PTPRD: variants seen among roughly 807,000 people sequenced by gnomAD.
PTPRD encodes the protein receptor-type tyrosine-protein phosphatase delta.
Under a neutral mutation model 214.5 loss-of-function variants are expected in PTPRD, and 34 were observed. That is an observed-to-expected ratio of 0.16 (90% confidence interval 0.12 to 0.21). The LOEUF (loss-of-function observed/expected upper bound fraction) is 0.21, where lower values mean the gene tolerates loss of function less well. Among genes scored for constraint, PTPRD ranks in the 10% least tolerant of loss-of-function variants. The pLI is 1.00. For synonymous variants in PTPRD, 1,128 were observed against 845.7 expected, an observed-to-expected ratio of 1.33 and a Z score of -5.79; for missense variants, 2,545 against 2,398.7, an observed-to-expected ratio of 1.06 and a Z score of -1.27.
intron 7 of PTPRD, among the ~76,000 whole-genome samples, chr9:9,682,529 A>T (rs2097094551): frequency 1.3e-5 from 2 of 151,642 alleles, no homozygotes. Context: ...GATAGGGTAG[A>T]TCAATGCAAG....
chr9:9,602,389 T>C (rs7046780), intron 7 of PTPRD, among the ~76,000 whole-genome samples: 1 of 151,676 alleles, frequency 6.6e-6, no homozygotes, highest in Non-Finnish European at 1.5e-5. Context: ...AAAGCAATGG[T>C]CATTTAAAAC....
At chr9:10,402,101 G>T (rs532635969) in intron 2 of PTPRD, among the ~76,000 whole-genome samples, 6 of 151,522 alleles carry the variant, frequency 4.0e-5, no homozygotes, top group African/African-American at 7.2e-5. Context: ...AAGAAAAAGG[G>T]TATAAAATGT....
intron 32 of PTPRD, 38 bp from the exon 33 acceptor site, chr9:8,460,609 T>A (rs897855951): frequency 1.3e-6 from 2 of 1,588,692 alleles, no homozygotes; most frequent in Non-Finnish European, 1.7e-6. Flanking sequence ...TATAAAATAA[T>A]GACTTTCTAG....
chr9:10,595,520 T>C (rs2076421002), intron 2 of PTPRD, among the ~76,000 whole-genome samples: 1 of 151,732 alleles, frequency 6.6e-6, no homozygotes, highest in Admixed American at 6.6e-5. Context: ...TAATCTTCCA[T>C]AGACAAGTGG....
At chr9:8,564,428 G>A (rs974818573) in intron 14 of PTPRD, among the ~76,000 whole-genome samples, 16 of 152,100 alleles carry the variant, frequency 1.1e-4, no homozygotes, top group South Asian at 4.1e-4. Context: ...GCCGGGCACG[G>A]TAGCTCACAC....
At chr9:8,681,206 T>A (rs1278846002) in intron 12 of PTPRD, among the ~76,000 whole-genome samples, 1 of 152,174 alleles carries the variant, frequency 6.6e-6, no homozygotes, top group Non-Finnish European at 1.5e-5. Flanking sequence ...TCAGTGTAGA[T>A]GAACTCTTTT....
At chr9:8,916,927 A>T (rs191308722) in intron 11 of PTPRD, among the ~76,000 whole-genome samples, 1 of 152,180 alleles carries the variant, frequency 6.6e-6, no homozygotes, top group African/African-American at 2.4e-5. Flanking sequence ...TATCCAAAGC[A>T]AACAGTGCAC....
intron 3 of PTPRD, among the ~76,000 whole-genome samples, chr9:10,275,675 T>C (rs2094641619): frequency 6.6e-6 from 1 of 152,170 alleles, no homozygotes; most frequent in South Asian, 2.1e-4. Flanking sequence ...TAGAAATTGC[T>C]AGAAACTAGG....
chr9:9,271,103 G>A (rs1942731660), intron 9 of PTPRD, among the ~76,000 whole-genome samples: 1 of 151,162 alleles, frequency 6.6e-6, no homozygotes, highest in African/African-American at 2.4e-5. Context: ...ATATGCTGCT[G>A]ATATGAAGCC....
chr9:8,748,032 G>A (rs879790029), intron 11 of PTPRD, among the ~76,000 whole-genome samples: 40 of 152,244 alleles, frequency 2.6e-4, no homozygotes, highest in Middle Eastern at 3.4e-3. Flanking sequence ...CCCCTGGACC[G>A]GCCTGCTAGC....
intron 19 of PTPRD, among the ~76,000 whole-genome samples, chr9:8,521,770 C>G (rs566011862): frequency 1.3e-5 from 2 of 152,224 alleles, no homozygotes; most frequent in South Asian, 4.1e-4. Flanking sequence ...CTTAGACACA[C>G]TAATACAAAA....
At chr9:8,570,566 T>A (rs895116212) in intron 14 of PTPRD, among the ~76,000 whole-genome samples, 3 of 150,614 alleles carry the variant, frequency 2.0e-5, no homozygotes, top group Non-Finnish European at 4.4e-5. Flanking sequence ...AACAAATACA[T>A]TTTTTTTTAC....
intron 12 of PTPRD, among the ~76,000 whole-genome samples, chr9:8,672,490 G>C (rs1321046839): frequency 6.6e-6 from 1 of 152,072 alleles, no homozygotes; most frequent in Non-Finnish European, 1.5e-5. Flanking sequence ...GGATGTTACA[G>C]ATATTAATAG....
chr9:10,041,616 T>A (rs291273), intron 3 of PTPRD, among the ~76,000 whole-genome samples: 6,686 of 151,900 alleles, frequency 0.044, 531 homozygotes, highest in African/African-American at 0.15. Flanking sequence ...ATTTAAAAAG[T>A]GTAATATGAG....
intron 10 of PTPRD, among the ~76,000 whole-genome samples, chr9:9,158,422 A>T (rs1164546329): frequency 6.6e-6 from 1 of 152,048 alleles, no homozygotes; most frequent in Non-Finnish European, 1.5e-5. Flanking sequence ...CAACATGCTA[A>T]AACTCCGTCT....
chr9:8,914,280 G>A (rs2098769257), intron 11 of PTPRD, among the ~76,000 whole-genome samples: 1 of 151,960 alleles, frequency 6.6e-6, no homozygotes, highest in Admixed American at 6.6e-5. Context: ...GAATTTTGAA[G>A]ATATTACTCA....
At chr9:10,230,312 T>C (rs2099604252) in intron 3 of PTPRD, among the ~76,000 whole-genome samples, 3 of 152,018 alleles carry the variant, frequency 2.0e-5, no homozygotes, top group African/African-American at 4.8e-5. Context: ...TGGGACTTTG[T>C]TGTGGAAGCT....
chr9:9,312,511 A>C (rs937127306), intron 9 of PTPRD, among the ~76,000 whole-genome samples: 2 of 152,120 alleles, frequency 1.3e-5, no homozygotes, highest in Middle Eastern at 3.2e-3. Flanking sequence ...AGCTTTCCCC[A>C]TGTCTGCGTG....
At chr9:10,269,520 C>G (rs1310613557) in intron 3 of PTPRD, among the ~76,000 whole-genome samples, 1 of 152,086 alleles carries the variant, frequency 6.6e-6, no homozygotes, top group African/African-American at 2.4e-5. Context: ...CCTTTGATTT[C>G]TAAGAAAAGA....
Sources: allele counts gnomAD v4.1 joint callset (sites outside exome capture counted in the v4.1 genomes callset), GRCh38; gene constraint gnomAD v4.1.1; transcripts MANE v1.5; gene names NCBI Gene and HGNC (gene_info 2026-07-23, HGNC 2026-07-21).